ANKRD26: variants seen among roughly 807,000 people sequenced by gnomAD.
ANKRD26 encodes ankyrin repeat domain-containing protein 26.
A neutral mutation model predicts 208.7 loss-of-function variants in ANKRD26; 141 were observed. That is an observed-to-expected ratio of 0.68 (90% CI 0.59 to 0.78). ANKRD26 has a LOEUF of 0.78. ANKRD26 is among the 30% of genes least tolerant of loss of function. ANKRD26 has a pLI of 0.00. For synonymous variants in ANKRD26, 636 were observed against 660.4 expected, an observed-to-expected ratio of 0.96 and a Z score of 0.57; for missense variants, 1,889 against 1,938.7, an observed-to-expected ratio of 0.97 and a Z score of 0.48.
the ANKRD26 span, among the ~76,000 whole-genome samples, chr10:26,949,574 C>T: frequency 6.6e-5 from 10 of 152,258 alleles, no homozygotes; most frequent in South Asian, 4.1e-4. Flanking sequence ...GGCGAGATTT[C>T]GGCTTAATGC....
At chr10:27,051,606 A>G in intron 16 of ANKRD26, 6 of 985,036 alleles carry the variant, frequency 6.1e-6, no homozygotes, top group Non-Finnish European at 7.2e-6. Context: ...TTCATGGCCT[A>G]ATTTATTTTC....
rs747088480 is a variant in ANKRD26, at chr10:27,006,441, A to G, written c.4999+476T>C. 3.6e-4 allele frequency among the ~76,000 whole-genome samples: 55 copies of G among 152,360 alleles called. 1 individual carries two copies. Among genetic ancestry groups the G allele is most frequent in the Middle Eastern group, 6.8e-3 (2 of 294 alleles). On this transcript the variant is annotated intron_variant, in intron 33 of 33. Coordinates refer to ENST00000376087, the MANE Select transcript of ANKRD26 (RefSeq NM_014915.3). ...TTCTCCTGAGGGCAAAGGGAAACCA[A>G]TGACAAAGTAAATGACTGGAGATTT...
intron 22 of ANKRD26, 37 bp downstream of exon 22, chr10:27,037,834 G>A: frequency 6.8e-7 from 1 of 1,481,226 alleles, no homozygotes; most frequent in Non-Finnish European, 9.2e-7. Context: ...ATGAAATAAA[G>A]TTAAAAATAT....
intron 15 of ANKRD26, among the ~76,000 whole-genome samples, chr10:27,059,604 C>A (rs1202938324): frequency 6.6e-6 from 1 of 152,068 alleles, no homozygotes; most frequent in African/African-American, 2.4e-5. Context: ...CTATGTCTAC[C>A]AAATAGTAAT....
chr10:27,061,251 T>C lies in ANKRD26; in HGVS notation c.1364-9A>G, dbSNP rs1213193419. Reference sequence around the variant, plus strand: ...AGGTATATAAAACACATCTAAGAAATAATACATAATAAGCTTTCAATATTG... The same window carrying C: ...AGGTATATAAAACACATCTAAGAAACAATACATAATAAGCTTTCAATATTG... On this transcript the variant is annotated splice_polypyrimidine_tract_variant and intron_variant, in intron 12 of 33. Coordinates refer to ENST00000376087, the MANE Select transcript of ANKRD26 (RefSeq NM_014915.3). The C allele has an allele frequency of 6.6e-7, 1 of 1,522,070 alleles. No individual in the cohort carries two copies. Among genetic ancestry groups the C allele is most frequent in the Non-Finnish European group, 9.1e-7 (1 of 1,098,912 alleles). 94.3% of individuals were successfully genotyped at this position (1,522,070 alleles called of 1,614,324 possible).
intron 6 of ANKRD26, among the ~76,000 whole-genome samples, chr10:27,079,656 T>C (rs542426422): frequency 6.6e-6 from 1 of 151,984 alleles, no homozygotes; most frequent in Admixed American, 6.6e-5. Flanking sequence ...GAGTTCGAGA[T>C]CAGCCTGGCC....
chr10:27,072,790 C>CTG (rs1322899797), intron 9 of ANKRD26, among the ~76,000 whole-genome samples: 1 of 152,234 alleles, frequency 6.6e-6, no homozygotes, highest in Non-Finnish European at 1.5e-5. Flanking sequence ...GGTCCTGCAA[C>CTG]TGTCTATGTG....
intron 17 of ANKRD26, 136 bp from the exon 18 acceptor site, chr10:27,046,659 G>C: frequency 1.2e-6 from 1 of 846,762 alleles, no homozygotes; most frequent in African/African-American, 1.7e-5. Flanking sequence ...TTCTAACAAA[G>C]AATAAAAATA....
Position 27,067,415 on chromosome 10 carries a change from G to A in ANKRD26, c.1078-129C>T, listed in dbSNP as rs112061408. On this transcript the variant is annotated intron_variant, in intron 9 of 33. Transcript: ENST00000376087. Reference sequence around the variant, plus strand: ...GAAATACCTGGTCATCCAAGATGGGGGCATAGTTTTTTTTTTTTAAAGAAA... The same window carrying A: ...GAAATACCTGGTCATCCAAGATGGGAGCATAGTTTTTTTTTTTTAAAGAAA... 2.4e-3 allele frequency: 2,692 copies of A among 1,128,178 alleles called. 66 individuals carry two copies. In the African/African-American group the frequency reaches 0.038, roughly 16 times the overall value. The allele number at this position is 1,128,178 out of a possible 1,614,324, so 69.9% of individuals were successfully genotyped here. A position where few individuals can be genotyped will look rare whatever the true frequency, so the allele number is the denominator to read the frequency against.
At chr10:27,099,564 G>C (rs1020437561) in intron 1 of ANKRD26, among the ~76,000 whole-genome samples, 1 of 127,240 alleles carries the variant, frequency 7.9e-6, no homozygotes, top group Non-Finnish European at 1.7e-5. Context: ...ATTAGAGTTG[G>C]GGGGGGGGGT....
intron 12 of ANKRD26, 63 bp downstream of exon 12, chr10:27,063,925 C>G: frequency 7.7e-7 from 1 of 1,294,834 alleles, no homozygotes. Flanking sequence ...AATATATCAA[C>G]AGTCATGTTT....
At position 27,037,886 on chromosome 10, in the gene ANKRD26, T is replaced by G; in HGVS notation, c.2544A>C (p.Lys848Asn). Residue 848 changes from lysine (K) to asparagine (N), a missense_variant, in exon 22 of 34, where the codon AAA (lysine) becomes AAC (asparagine). Physicochemically the swap from Lys to Asn is moderately conservative, Grantham distance 94. Around this residue, in one of 3 missense-constraint regions of ANKRD26, gnomAD observed 1,272 missense variants for 1,273.8 expected, o/e 1.00. Transcript: ENST00000376087. Reference sequence around the variant, plus strand: ...ATTAATTTACCTGATTCAAATTACTTTTTACAGTCCTCAATTCCATCTCCA... The same window carrying G: ...ATTAATTTACCTGATTCAAATTACTGTTTACAGTCCTCAATTCCATCTCCA... ...QTLEMELRTV[K>N]SNLNQVVQER... 1 of 1,609,926 alleles carries G rather than the reference T, an allele frequency of 6.2e-7. No homozygotes were observed. The highest frequency in any genetic ancestry group is 1.1e-5 in the South Asian group (1 of 89,936).
chr10:26,959,277 C>CAAAA, the ANKRD26 span, among the ~76,000 whole-genome samples: 4 of 69,458 alleles, frequency 5.8e-5, no homozygotes, highest in African/African-American at 5.5e-5. Context: ...GATTGTGTCT[C>CAAAA]AAAAAAAAAA....
chr10:27,000,222 G>A (rs1352245846), downstream of ANKRD26, among the ~76,000 whole-genome samples: 2 of 152,168 alleles, frequency 1.3e-5, no homozygotes, highest in South Asian at 2.1e-4. Flanking sequence ...AGAGATAAGT[G>A]TGTGTGATTT....
chr10:27,023,979 T>TACACAC (rs59987738), intron 28 of ANKRD26, among the ~76,000 whole-genome samples: 3,887 of 142,198 alleles, frequency 0.027, 64 homozygotes, highest in African/African-American at 0.046. Context: ...ATTTTATTAC[T>TACACAC]ACACACACAC....
intron 12 of ANKRD26, among the ~76,000 whole-genome samples, chr10:27,063,611 C>T (rs533405769): frequency 1.1e-4 from 16 of 152,212 alleles, no homozygotes; most frequent in East Asian, 3.9e-4. Context: ...ATAAGCCACG[C>T]GCCTGGCCCT....
At position 27,082,852 on chromosome 10, in the gene ANKRD26, A is replaced by C; in HGVS notation, c.710-19T>G. 1 of 1,583,768 alleles carries C rather than the reference A, an allele frequency of 6.3e-7. No individual in the cohort carries two copies. The highest frequency in any genetic ancestry group is 2.3e-5 in the East Asian group (1 of 43,582). ...TCATCCACTATTAAAGAGAAAAGTAAAACACACTTTAAATCAACAATAGAA... is the reference window on the plus strand; with the variant it reads ...TCATCCACTATTAAAGAGAAAAGTACAACACACTTTAAATCAACAATAGAA... On this transcript the variant is annotated intron_variant, in intron 5 of 33. Coordinates refer to ENST00000376087, the MANE Select transcript of ANKRD26 (RefSeq NM_014915.3).
Position 27,069,405 on chromosome 10 carries a change from C to T in ANKRD26, c.1078-2119G>A, listed in dbSNP as rs546008708. Reference sequence around the variant, plus strand: ...AGTAAATTACAAAGAATCAGGAAAGCGTCAGGAACAATGTCCACAGTTTGG... The same window carrying T: ...AGTAAATTACAAAGAATCAGGAAAGTGTCAGGAACAATGTCCACAGTTTGG... On this transcript the variant is annotated intron_variant, in intron 9 of 33. Coordinates refer to ENST00000376087, the MANE Select transcript of ANKRD26 (RefSeq NM_014915.3). Among the ~76,000 whole-genome samples the T allele has an allele frequency of 6.6e-5, 10 of 152,048 alleles. No homozygotes were observed. The East Asian group carries it at 1.7e-3, about 26-fold the overall frequency.
intron 3 of ANKRD26, among the ~76,000 whole-genome samples, chr10:26,983,683 C>T (rs1057018327): frequency 6.6e-6 from 1 of 152,150 alleles, no homozygotes; most frequent in African/African-American, 2.4e-5. Flanking sequence ...TGGGCAGATA[C>T]TTTGGGTGTG....
Sources: gnomAD v4.1 joint callset for allele counts (sites outside exome capture counted in the v4.1 genomes callset) on GRCh38, gnomAD v4.1.1 for gene constraint, gnomAD v4.1.1 regional missense constraint, MANE v1.5 for transcripts, NCBI Gene and HGNC (gene_info 2026-07-23, HGNC 2026-07-21) for gene names.